OR1L8: variants seen among roughly 807,000 people sequenced by gnomAD.
The protein encoded by OR1L8 is olfactory receptor 1L8.
For missense variants in OR1L8, 330 were observed against 377.4 expected (o/e 0.87, Z 1.04); for synonymous variants, 148 against 147.0 (o/e 1.01, Z -0.05).
At chr9:122,575,486 G>C (rs1400916369) in intron 3 of OR1L8, among the ~76,000 whole-genome samples, 1 of 152,114 alleles carries the variant, frequency 6.6e-6, no homozygotes, top group Non-Finnish European at 1.5e-5. Context: ...TGTGGGTACA[G>C]AGTTGTTCAT....
the OR1L8 span, among the ~76,000 whole-genome samples, chr9:122,560,452 C>T: frequency 6.6e-6 from 1 of 152,126 alleles, no homozygotes; most frequent in Admixed American, 6.6e-5. Context: ...GGTGTTTTTG[C>T]AGTGGCTGGT....
the OR1L8 span, among the ~76,000 whole-genome samples, chr9:122,562,051 C>T: frequency 6.6e-6 from 1 of 152,268 alleles, no homozygotes; most frequent in Non-Finnish European, 1.5e-5. Context: ...TGTTGGAGTT[C>T]CTGCAGGGAG....
chr9:122,563,919 A>G (rs779049839), downstream of OR1L8, among the ~76,000 whole-genome samples: 4 of 152,184 alleles, frequency 2.6e-5, no homozygotes, highest in South Asian at 2.1e-4. Flanking sequence ...TCAGTTGGCT[A>G]TAGATACATG....
chr9:122,547,538 C>T, the OR1L8 span, among the ~76,000 whole-genome samples: 1 of 152,014 alleles, frequency 6.6e-6, no homozygotes, highest in African/African-American at 2.4e-5. Context: ...CTCCCACCTT[C>T]CCATCCTCCT....
the OR1L8 span, among the ~76,000 whole-genome samples, chr9:122,552,550 A>G: frequency 1.3e-5 from 2 of 151,718 alleles, no homozygotes; most frequent in Non-Finnish European, 2.9e-5. Context: ...TGTGTGTGGG[A>G]GGGAACATCC....
the OR1L8 span, among the ~76,000 whole-genome samples, chr9:122,558,411 GT>G: frequency 5.2e-4 from 64 of 124,072 alleles, no homozygotes; most frequent in African/African-American, 1.9e-3. Flanking sequence ...TTACTTCTCT[GT>G]AAACCATAGC....
At chr9:122,561,447 T>C in the OR1L8 span, among the ~76,000 whole-genome samples, 2 of 152,222 alleles carry the variant, frequency 1.3e-5, no homozygotes, top group African/African-American at 2.4e-5. Flanking sequence ...CAGCGTTTTT[T>C]CGTTGATTCT....
intron 1 of OR1L8, 147 bp downstream of exon 1, chr9:122,583,174 T>A (rs778954783): frequency 2.6e-5 from 4 of 152,006 alleles, no homozygotes; most frequent in Non-Finnish European, 5.9e-5. Flanking sequence ...AATAAATGGA[T>A]ACGCCCCTAT....
the OR1L8 span, among the ~76,000 whole-genome samples, chr9:122,547,938 A>G: frequency 1.3e-5 from 2 of 152,268 alleles, no homozygotes; most frequent in Admixed American, 6.5e-5. Flanking sequence ...TTTTCTCTGT[A>G]TCCCCACCAA....
At position 122,567,410 on chromosome 9, in the gene OR1L8, G is replaced by A. The variant is rs1829447209; in HGVS notation, c.*138C>T. On this transcript the variant is annotated 3_prime_UTR_variant, in exon 5 of 5. Coordinates refer to ENST00000641027, the MANE Select transcript of OR1L8 (RefSeq NM_001004454.2). Reference sequence around the variant, plus strand: ...AATTGTTGGGTCATCATCAATGGATGTAAGTGCCCACAATAGCCTTGTCTC... The same window carrying A: ...AATTGTTGGGTCATCATCAATGGATATAAGTGCCCACAATAGCCTTGTCTC... 4.9e-6 allele frequency: 3 copies of A among 606,340 alleles called. No homozygotes were observed. Among genetic ancestry groups the A allele is most frequent in the Admixed American group, 3.2e-5 (1 of 31,074 alleles). 37.6% of individuals were successfully genotyped at this position (606,340 alleles called of 1,614,324 possible).
chr9:122,554,821 G>A, the OR1L8 span, among the ~76,000 whole-genome samples: 4 of 152,138 alleles, frequency 2.6e-5, no homozygotes, highest in African/African-American at 9.6e-5. Flanking sequence ...GTAGTAAATA[G>A]ATTAAAAGTA....
Position 122,568,678 on chromosome 9 carries a change from T to A in OR1L8, c.-201A>T, listed in dbSNP as rs1831365. 155,731 of 492,018 alleles carry A rather than the reference T, an allele frequency of 0.32. 30,150 individuals carry two copies. The highest frequency in any genetic ancestry group is 0.83 in the East Asian group (26,296 of 31,552). The allele number at this position is 492,018 out of a possible 1,614,324, so 30.5% of individuals were successfully genotyped here. On this transcript the variant is annotated 5_prime_UTR_variant, in exon 5 of 5. An upstream start codon of the reference 5' UTR is lost. Coordinates refer to ENST00000641027, the MANE Select transcript of OR1L8 (RefSeq NM_001004454.2). ...CAAATCTATGGGCTCCATAAGGGCATTATATTGAAATCTGGAGGGACAGAG... is the reference window on the plus strand; with the variant it reads ...CAAATCTATGGGCTCCATAAGGGCAATATATTGAAATCTGGAGGGACAGAG...
intron 4 of OR1L8, among the ~76,000 whole-genome samples, chr9:122,571,234 A>C (rs1774870163): frequency 6.6e-6 from 1 of 152,042 alleles, no homozygotes; most frequent in African/African-American, 2.4e-5. Flanking sequence ...CTAATGAGGG[A>C]CTGGTCACAA....
intron 1 of OR1L8, among the ~76,000 whole-genome samples, chr9:122,579,487 G>A (rs1009353301): frequency 6.6e-6 from 1 of 152,038 alleles, no homozygotes; most frequent in African/African-American, 2.4e-5. Flanking sequence ...AAGGCAGCTA[G>A]GAAATTTCAG....
intron 4 of OR1L8, among the ~76,000 whole-genome samples, chr9:122,569,400 C>T (rs958531675): frequency 5.7e-5 from 6 of 105,652 alleles, no homozygotes; most frequent in African/African-American, 2.2e-4. Context: ...CAGTTACCTA[C>T]CAATGGATAT....
intron 3 of OR1L8, among the ~76,000 whole-genome samples, chr9:122,575,717 G>C (rs1293697716): frequency 6.6e-6 from 1 of 152,162 alleles, no homozygotes; most frequent in Non-Finnish European, 1.5e-5. Flanking sequence ...TTATGAAGCA[G>C]ATTAACATAT....
At chr9:122,578,724 G>T (rs192023150) in intron 1 of OR1L8, among the ~76,000 whole-genome samples, 17 of 152,048 alleles carry the variant, frequency 1.1e-4, no homozygotes, top group African/African-American at 1.7e-4. Flanking sequence ...ACCAAACATC[G>T]TATGTTCTCA....
At chr9:122,547,620 A>AGTGTGTGTGTGTGTGTGTGTGTGT in the OR1L8 span, among the ~76,000 whole-genome samples, 1 of 142,902 alleles carries the variant, frequency 7.0e-6, no homozygotes, top group African/African-American at 2.6e-5. Context: ...GTAGTAGTTC[A>AGTGTGTGTGTGTGTGTGTGTGTGT]GTGTGTGTGT....
chr9:122,563,979 T>C (rs1004118462), downstream of OR1L8, among the ~76,000 whole-genome samples: 2 of 152,230 alleles, frequency 1.3e-5, no homozygotes, highest in African/African-American at 4.8e-5. Context: ...TGTCTGTATT[T>C]ATGACCATGC....
Sources: gnomAD v4.1 joint callset for allele counts (sites outside exome capture counted in the v4.1 genomes callset) on GRCh38, gnomAD v4.1.1 for gene constraint, MANE v1.5 for transcripts, NCBI Gene and HGNC (gene_info 2026-07-23, HGNC 2026-07-21) for gene names.